IQSEC1: variants seen among roughly 807,000 people sequenced by gnomAD.
IQSEC1 encodes the protein IQ motif and Sec7 domain ArfGEF 1.
IQSEC1 carries 31 observed loss-of-function variants against 91.0 expected under a neutral mutation model. The ratio of observed to expected loss-of-function variants is 0.34; its 90% CI spans 0.26 to 0.46. The LOEUF (loss-of-function observed/expected upper bound fraction) is 0.46. Ranked by LOEUF, IQSEC1 falls within the 20% of genes least tolerant of loss-of-function variation. The pLI is 1.00. For synonymous variants in IQSEC1, 699 were observed against 662.6 expected (o/e 1.05, Z -0.84); for missense variants, 1,388 against 1,575.6 (o/e 0.88, Z 2.02).
At chr3:13,117,486 G>C (rs1302078528) in intron 2 of IQSEC1, among the ~76,000 whole-genome samples, 1 of 139,184 alleles carries the variant, frequency 7.2e-6, no homozygotes, top group Non-Finnish European at 1.5e-5. Flanking sequence ...CAGGGGAATC[G>C]CATGAACCCG....
intron 1 of IQSEC1, among the ~76,000 whole-genome samples, chr3:13,252,127 A>G (rs1695204645): frequency 6.6e-6 from 1 of 152,162 alleles, no homozygotes. Context: ...TGCAGCCATC[A>G]CTACCATCCA....
intron 1 of IQSEC1, among the ~76,000 whole-genome samples, chr3:12,991,917 A>AGGGC (rs1200327608): frequency 6.6e-6 from 1 of 152,132 alleles, no homozygotes; most frequent in East Asian, 1.9e-4. Flanking sequence ...AGCGGCTGGA[A>AGGGC]GGGCGGGCTG....
chr3:12,968,870 T>C (rs1400326759), intron 1 of IQSEC1, among the ~76,000 whole-genome samples: 1 of 152,178 alleles, frequency 6.6e-6, no homozygotes, highest in African/African-American at 2.4e-5. Flanking sequence ...TCTTGTGCCC[T>C]TCTGAATCTT....
At position 12,936,319 on chromosome 3, in the gene IQSEC1, C is replaced by T. The variant is rs771082004; in HGVS notation, c.697G>A (p.Val233Met). The T allele has an allele frequency of 1.3e-5, 21 of 1,611,850 alleles. No homozygotes were observed. Among genetic ancestry groups the T allele is most frequent in the Non-Finnish European group, 1.7e-5 (20 of 1,178,868 alleles). Residue 233 changes from valine (V) to methionine (M), a missense_variant, in exon 3 of 14, where the codon GTG becomes ATG. Val to Met is a conservative substitution (Grantham distance 21). Around this residue, in one of 2 missense-constraint regions of IQSEC1, gnomAD observed 1,059 missense variants for 1,317.8 expected, o/e 0.80. Transcript: ENST00000613206. ...TELEDAFSRQVKSLAESIDDA... is the reference protein window; with the variant it reads ...TELEDAFSRQMKSLAESIDDA... ...TCGATGGACTCGGCCAGTGATTTCA[C>T]TTGCCTAGAGAAGGCGTCCTCCAGC...
Position 12,967,695 on chromosome 3 carries a change from G to C in IQSEC1, c.24-25830C>G, listed in dbSNP as rs1203294507. The C allele has an allele frequency of 7.0e-6, 8 of 1,145,060 alleles. No homozygotes were observed. The highest frequency in any genetic ancestry group is 1.6e-5 in the African/African-American group (1 of 61,244). The allele number at this position is 1,145,060 out of a possible 1,614,324, so 70.9% of individuals were successfully genotyped here. A position where few individuals can be genotyped will look rare whatever the true frequency, so the allele number is the denominator to read the frequency against. ...CCTCCGCCGCCGCCCGCTTGGCGCA[G>C]CGCGAGGCCGGGCCGGAGGAATGTG... On this transcript the variant is annotated intron_variant, in intron 1 of 13. Transcript: ENST00000613206. The surrounding 1 kb of genome is among the most constrained non-coding windows in gnomAD (Gnocchi z 5.9).
rs2125186456 is a variant in IQSEC1, at chr3:12,922,305, C to T, written c.1731-63G>A. 1.4e-6 allele frequency: 2 copies of T among 1,457,140 alleles called. No homozygotes were observed. The highest frequency in any genetic ancestry group is 2.8e-5 in the South Asian group (2 of 70,408). 90.3% of individuals were successfully genotyped at this position (1,457,140 alleles called of 1,614,324 possible). A position where few individuals can be genotyped will look rare whatever the true frequency, so the allele number is the denominator to read the frequency against. ...TGCAGGTGCGACACGCCCAGCCCACCCCCAGGTGGTGGTGCCTGAAGCCCT... is the reference window on the plus strand; with the variant it reads ...TGCAGGTGCGACACGCCCAGCCCACTCCCAGGTGGTGGTGCCTGAAGCCCT... On this transcript the variant is annotated intron_variant, in intron 4 of 13. Coordinates refer to ENST00000613206, the MANE Select transcript of IQSEC1 (RefSeq NM_001134382.3). This position sits in a 1 kb window ranked among gnomAD's most constrained non-coding sequence, Gnocchi z 5.1.
At chr3:13,224,470 T>G (rs1302820450) in intron 1 of IQSEC1, among the ~76,000 whole-genome samples, 1 of 152,080 alleles carries the variant, frequency 6.6e-6, no homozygotes, top group African/African-American at 2.4e-5. Context: ...GAAGGGGCGC[T>G]GGGCAGACTG....
intron 2 of IQSEC1, among the ~76,000 whole-genome samples, chr3:13,150,286 G>T (rs898294145): frequency 3.3e-5 from 5 of 152,210 alleles, no homozygotes; most frequent in Non-Finnish European, 7.3e-5. Context: ...AGACACCTGG[G>T]AAGTCCTAAA....
intron 2 of IQSEC1, among the ~76,000 whole-genome samples, chr3:13,112,142 C>A (rs115656514): frequency 0.018 from 2,727 of 152,338 alleles, 43 homozygotes; most frequent in Middle Eastern, 0.037. Flanking sequence ...GTCACCTCCC[C>A]TGGAGCCATT....
intron 1 of IQSEC1, among the ~76,000 whole-genome samples, chr3:12,968,299 C>T (rs567833322): frequency 6.6e-6 from 1 of 152,104 alleles, no homozygotes; most frequent in African/African-American, 2.4e-5. Context: ...ACCCTTTTGG[C>T]GGCTTTTTGG....
intron 1 of IQSEC1, among the ~76,000 whole-genome samples, chr3:13,222,253 G>A (rs969340499): frequency 2.6e-5 from 4 of 151,696 alleles, no homozygotes; most frequent in Non-Finnish European, 4.4e-5. Context: ...TTTTGTGGCC[G>A]GCTCATTCAC....
chr3:13,152,429 T>C (rs188595338), intron 2 of IQSEC1, among the ~76,000 whole-genome samples: 1 of 152,358 alleles, frequency 6.6e-6, no homozygotes, highest in African/African-American at 2.4e-5. Flanking sequence ...ATAATAGCTG[T>C]AGAAACCATG....
intron 1 of IQSEC1, among the ~76,000 whole-genome samples, chr3:13,051,633 A>G (rs537760657): frequency 8.1e-4 from 124 of 152,252 alleles, no homozygotes; most frequent in African/African-American, 2.9e-3. Context: ...GAAGACAAAA[A>G]CCAAACCGTC....
intron 3 of IQSEC1, among the ~76,000 whole-genome samples, chr3:12,934,138 G>T (rs955060105): frequency 1.3e-5 from 2 of 152,298 alleles, no homozygotes; most frequent in South Asian, 2.1e-4. Flanking sequence ...CCAGCGCATT[G>T]CTCCGGCCGT....
intron 8 of IQSEC1, among the ~76,000 whole-genome samples, chr3:12,914,044 A>G (rs1695829807): frequency 6.6e-6 from 1 of 152,204 alleles, no homozygotes; most frequent in African/African-American, 2.4e-5. Flanking sequence ...CAGAGCCAGG[A>G]TCCAATTCCA....
At chr3:13,038,771 T>C (rs996718730) in intron 1 of IQSEC1, among the ~76,000 whole-genome samples, 2 of 152,220 alleles carry the variant, frequency 1.3e-5, no homozygotes, top group Non-Finnish European at 2.9e-5. Flanking sequence ...GGCTACATAC[T>C]GCCAGGGCCA....
At chr3:12,988,538 C>G (rs1266586455) in intron 1 of IQSEC1, among the ~76,000 whole-genome samples, 1 of 152,192 alleles carries the variant, frequency 6.6e-6, no homozygotes. Context: ...GAACAAATAT[C>G]CACAGCCTGT....
intron 1 of IQSEC1, among the ~76,000 whole-genome samples, chr3:13,261,280 T>C (rs533505528): frequency 5.3e-5 from 8 of 152,254 alleles, no homozygotes; most frequent in Admixed American, 2.0e-4. Flanking sequence ...CCACACACAA[T>C]GTCCGGTCGA....
rs571518140 is a variant in IQSEC1, at chr3:13,207,989, G to A, written c.273-43856C>T. On this transcript the variant is annotated intron_variant, in intron 1 of 15. Transcript: ENST00000648114. The surrounding 1 kb of genome is among the most constrained non-coding windows in gnomAD (Gnocchi z 4.8). ...CTCAACAAATGCATCTTGAATGAAC[G>A]AATAAATCACTGTATGTTTCTATCA... Among the ~76,000 whole-genome samples, 2 of 152,004 alleles carry A rather than the reference G, an allele frequency of 1.3e-5. No homozygotes were observed. Among genetic ancestry groups the A allele is most frequent in the African/African-American group, 4.8e-5 (2 of 41,360 alleles).
Sources: gnomAD v4.1 joint callset for allele counts (sites outside exome capture counted in the v4.1 genomes callset) on GRCh38, gnomAD v4.1.1 for gene constraint, gnomAD v4.1.1 regional missense constraint, Gnocchi (gnomAD v3.1) non-coding constraint, MANE v1.5 for transcripts, NCBI Gene and HGNC (gene_info 2026-07-23, HGNC 2026-07-21) for gene names.